DTWD1: variants seen among roughly 807,000 people sequenced by gnomAD.
DTWD1 encodes the protein tRNA-uridine aminocarboxypropyltransferase 1.
A neutral mutation model predicts 30.2 loss-of-function variants in DTWD1; 27 were observed. The ratio of observed to expected loss-of-function variants is 0.90; its 90% confidence interval spans 0.66 to 1.23. DTWD1 has a LOEUF of 1.23. DTWD1 is among the 50% of genes most tolerant of loss of function. The probability of loss-of-function intolerance (pLI) is 0.00; values close to 1 mark genes in which losing one functional copy is unlikely to be tolerated. For missense variants in DTWD1, 342 were observed against 348.8 expected (o/e 0.98, Z 0.15); for synonymous variants, 99 against 113.1 (o/e 0.88, Z 0.79).
chr15:49,621,957 T>C (rs537620265), intron 1 of DTWD1, among the ~76,000 whole-genome samples: 1 of 152,286 alleles, frequency 6.6e-6, no homozygotes, highest in East Asian at 1.9e-4. Context: ...GTCTGTATAG[T>C]GTTCCATTGG....
chr15:49,643,367 G>A lies in DTWD1; in HGVS notation c.704G>A (p.Cys235Tyr), dbSNP rs1468700152. Residue 235 changes from cysteine (C) to tyrosine (Y), a missense_variant, in exon 5 of 5, where the codon TGC becomes TAC. By Grantham distance (194) the Cys-to-Tyr change is radical. Coordinates refer to ENST00000403028, the MANE Select transcript of DTWD1 (RefSeq NM_001144955.2). ...LQVELKTRKTCFWRHQKGKPD... is the reference protein window; with the variant it reads ...LQVELKTRKTYFWRHQKGKPD... ...GTTGAGTTGAAAACAAGAAAAACTT[G>A]CTTTTGGCGCCATCAAAAAGGAAAG... is the stretch of plus-strand genomic sequence containing the variant. 1 of 1,423,146 alleles carries A rather than the reference G, an allele frequency of 7.0e-7. No individual in the cohort carries two copies. The highest frequency in any genetic ancestry group is 9.1e-7 in the Non-Finnish European group (1 of 1,096,090). 88.2% of individuals were successfully genotyped at this position (1,423,146 alleles called of 1,614,324 possible). A position where few individuals can be genotyped will look rare whatever the true frequency, so the allele number is the denominator to read the frequency against.
chr15:49,621,073 G>A lies in DTWD1; in HGVS notation c.-105G>A, dbSNP rs1430822681. 3 of 152,590 alleles carry A rather than the reference G, an allele frequency of 2.0e-5. No homozygotes were observed. Among genetic ancestry groups the A allele is most frequent in the South Asian group, 4.1e-4 (2 of 4,838 alleles). 9.5% of individuals were successfully genotyped at this position (152,590 alleles called of 1,614,324 possible). On this transcript the variant is annotated 5_prime_UTR_variant, in exon 1 of 5. Coordinates refer to ENST00000403028, the MANE Select transcript of DTWD1 (RefSeq NM_001144955.2). The stretch of plus-strand genomic sequence containing the variant: ...ACGGCCCGGCGCGTGGCTCGGGCTC[G>A]GGCGGAGCTGGAGACGTGTGGAGCT...
intron 2 of DTWD1, among the ~76,000 whole-genome samples, chr15:49,630,443 C>T (rs1475779158): frequency 1.3e-5 from 2 of 152,014 alleles, no homozygotes; most frequent in East Asian, 3.9e-4. Flanking sequence ...CCAAATAAAA[C>T]AAAAGGTCAT....
chr15:49,621,651 A>AT (rs1284735606), intron 1 of DTWD1, among the ~76,000 whole-genome samples: 1 of 152,134 alleles, frequency 6.6e-6, no homozygotes, highest in Non-Finnish European at 1.5e-5. Flanking sequence ...GTATATTAAC[A>AT]TTTTCAGTCG....
chr15:49,625,207 G>GA lies in DTWD1; in HGVS notation c.44dup (p.Asn15LysfsTer2). 6.2e-7 allele frequency: 1 copy of GA among 1,613,350 alleles called. No homozygotes were observed. Among genetic ancestry groups the GA allele is most frequent in the Non-Finnish European group, 8.5e-7 (1 of 1,179,606 alleles). On this transcript the variant is annotated frameshift_variant, in exon 2 of 5. Transcript: ENST00000403028. LOFTEE classifies it high-confidence loss of function. ...ACCTATATTTCTCAAACGAAGTGAA[G>GA]AAAATAGTTCAAAATTTGTGGAAAC...
Position 49,634,707 on chromosome 15 carries a change from T to C in DTWD1, c.580T>C (p.Cys194Arg). 2.5e-6 allele frequency: 4 copies of C among 1,613,248 alleles called. No individual in the cohort carries two copies. The highest frequency in any genetic ancestry group is 3.4e-6 in the Non-Finnish European group (4 of 1,179,604). The change falls in exon 4 of 5, where the codon TGC becomes CGC. Residue 194 changes from cysteine to arginine, a missense_variant. Physicochemically the swap from Cys to Arg is radical, Grantham distance 180. Transcript: ENST00000403028. ...QEFCDLNDSK[C>R]KGTTLKKIIF... is the part of the protein sequence containing the mutation. Reference sequence around the variant, plus strand: ...GTTCTGTGATTTGAATGACAGCAAGTGCAAAGGCACAACACTGAAAAAAAT... The same window carrying C: ...GTTCTGTGATTTGAATGACAGCAAGCGCAAAGGCACAACACTGAAAAAAAT...
At chr15:49,625,607 T>G in intron 2 of DTWD1, 176 bp downstream of exon 2, 1 of 661,562 alleles carries the variant, frequency 1.5e-6, no homozygotes, top group East Asian at 2.8e-5. Context: ...CAGGGCACAT[T>G]TACTTCTGCA....
chr15:49,637,916 C>A (rs1440827247), intron 4 of DTWD1, among the ~76,000 whole-genome samples: 1 of 152,114 alleles, frequency 6.6e-6, no homozygotes, highest in African/African-American at 2.4e-5. Context: ...CTTTGAAAGT[C>A]TAATTGTGTG....
At position 49,648,635 on chromosome 15, in the gene DTWD1, C is replaced by T. The variant is rs2079135110; in HGVS notation, c.*5057C>T. ...TTTAATTATGACATTTTTTGTATTCCCTTGAGGCACTGACAACTATAGTCT... is the reference window on the plus strand; with the variant it reads ...TTTAATTATGACATTTTTTGTATTCTCTTGAGGCACTGACAACTATAGTCT... On this transcript the variant is annotated 3_prime_UTR_variant, in exon 5 of 5. Coordinates refer to ENST00000403028, the MANE Select transcript of DTWD1 (RefSeq NM_001144955.2). The T allele has an allele frequency of 2.0e-5, 3 of 151,942 alleles. No individual in the cohort carries two copies. Among genetic ancestry groups the T allele is most frequent in the Admixed American group, 2.0e-4 (3 of 15,238 alleles). The allele number at this position is 151,942 out of a possible 1,614,324, so 9.4% of individuals were successfully genotyped here.
intron 2 of DTWD1, among the ~76,000 whole-genome samples, chr15:49,630,578 C>G (rs7172906): frequency 0.25 from 37,925 of 151,930 alleles, 5,680 homozygotes; most frequent in Non-Finnish European, 0.35. Flanking sequence ...ACAAAGAGAG[C>G]TAAACCAAAA....
intron 3 of DTWD1, among the ~76,000 whole-genome samples, chr15:49,632,904 T>TA (rs1428069633): frequency 6.6e-6 from 1 of 151,998 alleles, no homozygotes; most frequent in Non-Finnish European, 1.5e-5. Flanking sequence ...AGGCCTTGGG[T>TA]ACTGAAAGAA....
At chr15:49,627,995 A>G (rs574559346) in intron 2 of DTWD1, among the ~76,000 whole-genome samples, 2 of 152,342 alleles carry the variant, frequency 1.3e-5, no homozygotes, top group South Asian at 4.1e-4. Flanking sequence ...TTACATTTAA[A>G]CACAAACACA....
chr15:49,623,388 A>G (rs951099782), intron 1 of DTWD1, among the ~76,000 whole-genome samples: 34 of 151,712 alleles, frequency 2.2e-4, no homozygotes, highest in African/African-American at 7.8e-4. Flanking sequence ...AGCATTTGCA[A>G]CTCTCATTTC....
chr15:49,648,680 A>G lies in DTWD1; in HGVS notation c.*5102A>G, dbSNP rs1192279244. On this transcript the variant is annotated 3_prime_UTR_variant, in exon 5 of 5. Coordinates refer to ENST00000403028, the MANE Select transcript of DTWD1 (RefSeq NM_001144955.2). The stretch of plus-strand genomic sequence containing the variant: ...TAGTCTTATTTTATATGTTATAGTG[A>G]ATCATATTTATCTCATTATATATTA... 1 of 152,190 alleles carries G rather than the reference A, an allele frequency of 6.6e-6. No homozygotes were observed. Among genetic ancestry groups the G allele is most frequent in the Non-Finnish European group, 1.5e-5 (1 of 68,030 alleles). 9.4% of individuals were successfully genotyped at this position (152,190 alleles called of 1,614,324 possible). A position where few individuals can be genotyped will look rare whatever the true frequency, so the allele number is the denominator to read the frequency against.
intron 1 of DTWD1, among the ~76,000 whole-genome samples, chr15:49,621,908 T>C (rs998164228): frequency 1.3e-5 from 2 of 152,212 alleles, no homozygotes; most frequent in Non-Finnish European, 2.9e-5. Flanking sequence ...AAGTGGTTTT[T>C]TTCTAATACT....
In DTWD1 at chr15:49,638,744, T is replaced by C. The variant is rs547404115; in HGVS notation, c.667+3950T>C. 1.1e-4 allele frequency among the ~76,000 whole-genome samples: 17 copies of C among 152,308 alleles called. No homozygotes were observed. The South Asian group carries it at 1.4e-3, about 13-fold the overall frequency. ...CTGAGGTTAAGAATCCCTTTAACAA[T>C]GTAAAACCTTACTGTTTTGCCAAAT... is the stretch of plus-strand genomic sequence containing the variant. On this transcript the variant is annotated intron_variant, in intron 4 of 4. Transcript: ENST00000403028.
At chr15:49,625,009 A>G (rs1469194085) in intron 1 of DTWD1, 104 bp from the exon 2 acceptor site, 5 of 725,782 alleles carry the variant, frequency 6.9e-6, no homozygotes, top group East Asian at 2.7e-5. Flanking sequence ...AATAAGTACT[A>G]AAACAGCACA....
intron 2 of DTWD1, chr15:49,631,925 C>A: frequency 2.0e-6 from 1 of 492,568 alleles, no homozygotes; most frequent in Non-Finnish European, 3.6e-6. Context: ...AGAAGATTCT[C>A]TGTTAAATGA....
rs1199972187 is a variant in DTWD1, at chr15:49,651,126, T to C, written c.*7548T>C. 1 of 152,186 alleles carries C rather than the reference T, an allele frequency of 6.6e-6. No homozygotes were observed. The highest frequency in any genetic ancestry group is 2.4e-5 in the African/African-American group (1 of 41,456). 9.4% of individuals were successfully genotyped at this position (152,186 alleles called of 1,614,324 possible). On this transcript the variant is annotated 3_prime_UTR_variant, in exon 5 of 5. Transcript: ENST00000403028. ...GAATTGAATGGCCAAGTGCCACTAA[T>C]GCTCTGTAGAAAGAGGGCTTCTTTG...
Sources: gnomAD v4.1 joint callset for allele counts (sites outside exome capture counted in the v4.1 genomes callset) on GRCh38, gnomAD v4.1.1 for gene constraint, MANE v1.5 for transcripts, NCBI Gene and HGNC (gene_info 2026-07-23, HGNC 2026-07-21) for gene names.